WASHC2C: variants seen among roughly 807,000 people sequenced by gnomAD.
WASHC2C encodes WASH complex subunit 2C.
WASHC2C carries 73 observed loss-of-function variants against 142.2 expected under a neutral mutation model. That is an observed-to-expected ratio of 0.51 (90% confidence interval 0.43 to 0.62). The LOEUF (loss-of-function observed/expected upper bound fraction) is 0.62, where lower values mean the gene tolerates loss of function less well. WASHC2C is among the 20% of genes least tolerant of loss of function. The pLI is 0.00. For missense variants in WASHC2C, 969 were observed against 1,531.7 expected, an observed-to-expected ratio of 0.63 and a Z score of 6.13; for synonymous variants, 337 against 565.5, an observed-to-expected ratio of 0.60 and a Z score of 5.73.
At chr10:45,736,809 T>C (rs2051333536) in intron 3 of WASHC2C, among the ~76,000 whole-genome samples, 1 of 152,044 alleles carries the variant, frequency 6.6e-6, no homozygotes, top group African/African-American at 2.4e-5. Context: ...ATTTTAAAAA[T>C]TGAGATAGAA....
At chr10:45,784,269 T>TATATATATATATATACACACACACACAC (rs1564819626) in intron 23 of WASHC2C, among the ~76,000 whole-genome samples, 8 of 13,482 alleles carry the variant, frequency 5.9e-4, no homozygotes, top group Non-Finnish European at 1.1e-3. Context: ...TATATATATA[T>TATATATATATATATACACACACACACAC]ATATATATAT....
chr10:45,749,192 TG>T (rs1378450603), intron 8 of WASHC2C, among the ~76,000 whole-genome samples: 1 of 151,790 alleles, frequency 6.6e-6, no homozygotes, highest in East Asian at 2.0e-4. Context: ...CCCAGCGCTT[TG>T]GGAAGCTGAG....
At chr10:45,784,273 T>TATATATATATATATACACACACACACAC (rs1564819891) in intron 23 of WASHC2C, among the ~76,000 whole-genome samples, 2 of 8,034 alleles carry the variant, frequency 2.5e-4, no homozygotes, top group African/African-American at 2.0e-4. Flanking sequence ...TATATATATA[T>TATATATATATATATACACACACACACAC]ATATATATAT....
Position 45,769,471 on chromosome 10 carries a change from C to T in WASHC2C, c.1892C>T (p.Ser631Leu). 6.2e-7 allele frequency: 1 copy of T among 1,610,930 alleles called. No homozygotes were observed. The highest frequency in any genetic ancestry group is 8.5e-7 in the Non-Finnish European group (1 of 1,179,492). ...AAGGACCAGTGGAATATTCCTGCTT[C>T]ACAGACCCACTTAGCATCTGACAGC... ...DEEDQWNIPASQTHLASDSRS... is the reference protein window; with the variant it reads ...DEEDQWNIPALQTHLASDSRS... The change falls in exon 20 of 31, where the codon TCA (serine) becomes TTA (leucine). Residue 631 changes from serine (S) to leucine (L), a missense_variant. Ser to Leu is a moderately radical substitution (Grantham distance 145). Transcript: ENST00000623400.
At chr10:45,762,998 CCT>C (rs1409660848) in intron 17 of WASHC2C, among the ~76,000 whole-genome samples, 5 of 152,128 alleles carry the variant, frequency 3.3e-5, no homozygotes, top group Admixed American at 3.3e-4. Context: ...GAATCTAGCC[CCT>C]GTTTCTTTAT....
intron 28 of WASHC2C, 94 bp from the exon 29 acceptor site, chr10:45,788,777 C>T (rs2058229634): frequency 8.2e-6 from 13 of 1,593,278 alleles, no homozygotes; most frequent in African/African-American, 1.3e-5. Context: ...GACCAGATAA[C>T]CTTACAATAT....
chr10:45,784,271 T>TATATACACACACAC (rs2057794695), intron 23 of WASHC2C, among the ~76,000 whole-genome samples: 2 of 8,724 alleles, frequency 2.3e-4, no homozygotes, highest in Non-Finnish European at 7.0e-4. Context: ...TATATATATA[T>TATATACACACACAC]ATATATATAT....
chr10:45,753,610 AATC>A (rs1362889012), intron 13 of WASHC2C, among the ~76,000 whole-genome samples: 1 of 141,100 alleles, frequency 7.1e-6, no homozygotes, highest in Admixed American at 7.1e-5. Flanking sequence ...TGTGCATTAA[AATC>A]ATCTGTGCAG....
chr10:45,765,199 C>A (rs2055642900), intron 18 of WASHC2C, among the ~76,000 whole-genome samples: 1 of 147,550 alleles, frequency 6.8e-6, no homozygotes, highest in Non-Finnish European at 1.5e-5. Flanking sequence ...TTCCCTCCAT[C>A]CCAGGTGTAT....
At chr10:45,784,265 T>TATATATACACAC (rs1554888897) in intron 23 of WASHC2C, among the ~76,000 whole-genome samples, 5 of 5,664 alleles carry the variant, frequency 8.8e-4, no homozygotes, top group Non-Finnish European at 2.3e-3. Context: ...TATATATATA[T>TATATATACACAC]ATATATATAT....
At chr10:45,758,603 CTTCT>C (rs1345738660) in intron 16 of WASHC2C, among the ~76,000 whole-genome samples, 2,083 of 139,486 alleles carry the variant, frequency 0.015, 24 homozygotes, top group Non-Finnish European at 0.023. Flanking sequence ...CATCATTCTT[CTTCT>C]TTTTTTTTTT....
chr10:45,769,326 G>A, intron 19 of WASHC2C, 123 bp from the exon 20 acceptor site: 1 of 1,439,524 alleles, frequency 6.9e-7, no homozygotes, highest in Non-Finnish European at 9.4e-7. Context: ...CACCGTGTTA[G>A]CAAGGATGGT....
intron 8 of WASHC2C, among the ~76,000 whole-genome samples, chr10:45,749,836 A>AAAATATATATATATAT (rs1227809519): frequency 9.8e-6 from 1 of 101,780 alleles, no homozygotes; most frequent in Non-Finnish European, 1.8e-5. Context: ...AAAAAAAAAA[A>AAAATATATATATATAT]ATATATATAT....
rs781841249 is a variant in WASHC2C, at chr10:45,755,028, C to T, written c.1333C>T (p.Pro445Ser). 4 of 1,611,918 alleles carry T rather than the reference C, an allele frequency of 2.5e-6. No individual in the cohort carries two copies. Among genetic ancestry groups the T allele is most frequent in the Non-Finnish European group, 3.4e-6 (4 of 1,179,862 alleles). ...QPTPRKSPYG[P>S]PPTGLFDDDD... ...CACTCCAAGGAAAAGCCCCTATGGT[C>T]CCCCTCCCACTGGCCTCTTTGATGA... The change falls in exon 15 of 31, where the codon CCC becomes TCC. Residue 445 changes from proline (P) to serine (S), a missense_variant. Transcript: ENST00000623400.
At position 45,727,449 on chromosome 10, in the gene WASHC2C, G is replaced by A. The variant is rs1181772945; in HGVS notation, c.36G>A (p.Val12=). The A allele has an allele frequency of 2.5e-6, 4 of 1,611,152 alleles. No individual in the cohort carries two copies. The highest frequency in any genetic ancestry group is 3.4e-6 in the Non-Finnish European group (4 of 1,179,414). ...MNRTTPDQEL[V]PASEPVWERP... ...GGACGACCCCCGACCAGGAGCTGGT[G>A]CCGGCGTCGGAGCCCGTGTGGGAGC... Residue 12 remains valine (V), a synonymous_variant, in exon 2 of 31, where the codon GTG becomes GTA. Transcript: ENST00000623400.
At chr10:45,784,425 C>G (rs1191309941) in intron 23 of WASHC2C, 140 bp from the exon 24 acceptor site, 10 of 996,404 alleles carry the variant, frequency 1.0e-5, no homozygotes, top group Non-Finnish European at 1.4e-5. Context: ...TACTGAGTGG[C>G]TTTTAGGCTG....
intron 8 of WASHC2C, among the ~76,000 whole-genome samples, chr10:45,747,784 GGT>G (rs2053029747): frequency 2.0e-5 from 3 of 150,582 alleles, no homozygotes; most frequent in Non-Finnish European, 2.9e-5. Context: ...GTGGAGTCAG[GGT>G]CTTCCCATGT....
intron 2 of WASHC2C, among the ~76,000 whole-genome samples, chr10:45,728,461 G>A (rs559304467): frequency 6.6e-6 from 1 of 152,216 alleles, no homozygotes; most frequent in Non-Finnish European, 1.5e-5. Flanking sequence ...CATTCCGGCC[G>A]GGCACAGTGG....
rs540345503 is a variant in WASHC2C, at chr10:45,739,631, A to G, written c.355-442A>G. 4.0e-5 allele frequency among the ~76,000 whole-genome samples: 6 copies of G among 151,044 alleles called. No individual in the cohort carries two copies. In the South Asian group the frequency reaches 1.3e-3, roughly 32 times the overall value. On this transcript the variant is annotated intron_variant, in intron 4 of 30. Coordinates refer to ENST00000623400, the MANE Select transcript of WASHC2C (RefSeq NM_001330074.2). ...AGTTTTTTTTTTTTTTGTCTCTTTA[A>G]ACTGTAATTGAAAAATGAGACCTCT...
Sources: allele counts gnomAD v4.1 joint callset (sites outside exome capture counted in the v4.1 genomes callset), GRCh38; gene constraint gnomAD v4.1.1; transcripts MANE v1.5; gene names NCBI Gene and HGNC (gene_info 2026-07-23, HGNC 2026-07-21).